VAT1L: variants seen among roughly 807,000 people sequenced by gnomAD.
VAT1L encodes vesicle amine transport 1 like.
VAT1L carries 34 observed loss-of-function variants against 44.1 expected under a neutral mutation model. The ratio of observed to expected loss-of-function variants is 0.77; its 90% CI spans 0.59 to 1.03. The LOEUF is 1.03. Among genes scored for constraint, VAT1L ranks in the 50% least tolerant of loss-of-function variants. The pLI is 0.00. For synonymous variants in VAT1L, 253 were observed against 202.2 expected (o/e 1.25, Z -2.13); for missense variants, 615 against 538.8 (o/e 1.14, Z -1.40).
At chr16:77,925,485 A>G (rs1030869697) in intron 7 of VAT1L, among the ~76,000 whole-genome samples, 3 of 152,286 alleles carry the variant, frequency 2.0e-5, no homozygotes, top group Middle Eastern at 3.4e-3. Context: ...AGAGGTCCAT[A>G]TATGCAATGG....
chr16:77,958,565 A>T (rs1378046319), intron 7 of VAT1L, among the ~76,000 whole-genome samples: 1 of 152,122 alleles, frequency 6.6e-6, no homozygotes, highest in Non-Finnish European at 1.5e-5. Flanking sequence ...CAAACACTGG[A>T]GGGAATTCAC....
In VAT1L at chr16:77,812,458, A is replaced by C. The variant is rs189777712; in HGVS notation, c.234-4463A>C. On this transcript the variant is annotated intron_variant, in intron 1 of 8. Coordinates refer to ENST00000302536, the MANE Select transcript of VAT1L (RefSeq NM_020927.3). ...GTTATGGGATACACAATAAGGAAGG[A>C]GTTGGAAGACCTTTATTCAAGTCTC... Among the ~76,000 whole-genome samples the C allele has an allele frequency of 3.6e-3, 545 of 152,268 alleles. 4 individuals are homozygous for C. The highest frequency in any genetic ancestry group is 0.013 in the African/African-American group (536 of 41,548).
intron 7 of VAT1L, among the ~76,000 whole-genome samples, chr16:77,914,954 C>G (rs556990130): frequency 6.6e-6 from 1 of 152,218 alleles, no homozygotes; most frequent in Admixed American, 6.5e-5. Flanking sequence ...GGAGAAACCC[C>G]GTCTCTACTA....
chr16:77,913,188 AG>A (rs2017516636), intron 7 of VAT1L, among the ~76,000 whole-genome samples: 1 of 152,212 alleles, frequency 6.6e-6, no homozygotes, highest in Non-Finnish European at 1.5e-5. Context: ...TTCATTTGAA[AG>A]TAATATTTTT....
intron 2 of VAT1L, among the ~76,000 whole-genome samples, chr16:77,821,112 T>C (rs745444880): frequency 2.0e-5 from 3 of 152,128 alleles, no homozygotes; most frequent in Non-Finnish European, 2.9e-5. Context: ...AACCCATCAC[T>C]CACTATGCAC....
chr16:77,869,008 G>A (rs907732197), intron 4 of VAT1L, among the ~76,000 whole-genome samples: 2 of 152,074 alleles, frequency 1.3e-5, no homozygotes, highest in Non-Finnish European at 2.9e-5. Context: ...CAGAAATGTA[G>A]AGTTCTTTGC....
intron 7 of VAT1L, among the ~76,000 whole-genome samples, chr16:77,957,551 C>G (rs983519124): frequency 6.6e-6 from 1 of 151,778 alleles, no homozygotes; most frequent in South Asian, 2.1e-4. Flanking sequence ...ATGGTGAAAC[C>G]CCGTCTCTAC....
At chr16:77,831,196 G>T (rs1457330961) in intron 3 of VAT1L, among the ~76,000 whole-genome samples, 1 of 152,122 alleles carries the variant, frequency 6.6e-6, no homozygotes, top group East Asian at 1.9e-4. Flanking sequence ...ACTAGGCAAA[G>T]AACTTAGTTT....
intron 7 of VAT1L, among the ~76,000 whole-genome samples, chr16:77,913,602 C>A: frequency 6.6e-6 from 1 of 152,058 alleles, no homozygotes; most frequent in African/African-American, 2.4e-5. Context: ...GGTTCTTCTC[C>A]TTGACCGCTT....
intron 2 of VAT1L, among the ~76,000 whole-genome samples, chr16:77,824,440 A>G (rs187811481): frequency 6.6e-6 from 1 of 152,278 alleles, no homozygotes; most frequent in East Asian, 1.9e-4. Context: ...TTTAAAAGTT[A>G]TTCGTTTCAT....
chr16:77,788,958 C>G (rs1364083941), intron 1 of VAT1L, 43 bp downstream of exon 1: 15 of 1,424,348 alleles, frequency 1.1e-5, no homozygotes, highest in South Asian at 1.5e-5. Context: ...TTTTTGCGCG[C>G]TGGGCGCTGG....
intron 1 of VAT1L, among the ~76,000 whole-genome samples, chr16:77,797,616 C>G (rs559721637): frequency 3.8e-4 from 58 of 152,228 alleles, no homozygotes; most frequent in African/African-American, 1.4e-3. Context: ...ATAGACAATC[C>G]AGTCTCTGGA....
intron 3 of VAT1L, among the ~76,000 whole-genome samples, chr16:77,837,005 A>C (rs2016646740): frequency 6.6e-6 from 1 of 152,172 alleles, no homozygotes; most frequent in African/African-American, 2.4e-5. Flanking sequence ...AGAGAGGTTA[A>C]GTAACTTATT....
Position 77,951,975 on chromosome 16 carries a change from C to G in VAT1L, c.1078-19875C>G, listed in dbSNP as rs188110466. Among the ~76,000 whole-genome samples, 693 of 152,160 alleles carry G rather than the reference C, an allele frequency of 4.6e-3. 4 individuals are homozygous for G. Among genetic ancestry groups the G allele is most frequent in the Non-Finnish European group, 8.8e-3 (597 of 67,992 alleles). ...TTTGAGCACTAGGGGGAGATAGTGG[C>G]AAAGTCCTAAAGGACGTTTCAGGAA... On this transcript the variant is annotated intron_variant, in intron 7 of 8. Coordinates refer to ENST00000302536, the MANE Select transcript of VAT1L (RefSeq NM_020927.3).
chr16:77,818,054 C>G (rs1016566868), intron 2 of VAT1L, among the ~76,000 whole-genome samples: 2 of 152,166 alleles, frequency 1.3e-5, no homozygotes. Context: ...GTTAGTACCA[C>G]TAGAACCCGG....
intron 2 of VAT1L, among the ~76,000 whole-genome samples, chr16:77,819,808 C>T (rs1645000753): frequency 4.6e-5 from 7 of 152,238 alleles, no homozygotes; most frequent in Admixed American, 4.6e-4. Context: ...CTCCTGCTTT[C>T]TGAAATATAA....
In VAT1L at chr16:77,879,023, A is replaced by T; in HGVS notation, c.827-146A>T. On this transcript the variant is annotated intron_variant, in intron 5 of 8. Coordinates refer to ENST00000302536, the MANE Select transcript of VAT1L (RefSeq NM_020927.3). The surrounding 1 kb of genome is among the most constrained non-coding windows in gnomAD (Gnocchi z 4.1). ...ATAGTCAACTTTATGCCTCATTCTCATTCCCCTCACTTTGCCAAGGCTTAA... is the reference window on the plus strand; with the variant it reads ...ATAGTCAACTTTATGCCTCATTCTCTTTCCCCTCACTTTGCCAAGGCTTAA... 1 of 699,138 alleles carries T rather than the reference A, an allele frequency of 1.4e-6. No homozygotes were observed. 43.3% of individuals were successfully genotyped at this position (699,138 alleles called of 1,614,324 possible).
At chr16:77,803,853 C>T (rs769331316) in intron 1 of VAT1L, among the ~76,000 whole-genome samples, 1 of 152,180 alleles carries the variant, frequency 6.6e-6, no homozygotes, top group African/African-American at 2.4e-5. Context: ...TCTATCTTCT[C>T]CCCTCTGTGG....
intron 7 of VAT1L, among the ~76,000 whole-genome samples, chr16:77,894,711 T>C (rs2017303216): frequency 6.6e-6 from 1 of 152,164 alleles, no homozygotes; most frequent in African/African-American, 2.4e-5. Context: ...GTATAGCATA[T>C]GAATTATATA....
Sources: allele counts gnomAD v4.1 joint callset (sites outside exome capture counted in the v4.1 genomes callset), GRCh38; gene constraint gnomAD v4.1.1; non-coding constraint Gnocchi (gnomAD v3.1); transcripts MANE v1.5; gene names NCBI Gene and HGNC (gene_info 2026-07-23, HGNC 2026-07-21).